GLIS3: variants seen among roughly 807,000 people sequenced by gnomAD.
GLIS3 encodes the protein zinc finger protein GLIS3.
A neutral mutation model predicts 78.6 loss-of-function variants in GLIS3; 53 were observed. That is an observed-to-expected ratio of 0.67 (90% CI 0.54 to 0.85). The LOEUF (loss-of-function observed/expected upper bound fraction) is 0.85. GLIS3 is among the 40% of genes least tolerant of loss of function. The pLI is 0.00. For missense variants in GLIS3, 1,703 were observed against 1,231.1 expected (o/e 1.38, Z -5.74); for synonymous variants, 684 against 509.9 (o/e 1.34, Z -4.60).
chr9:3,965,262 C>T (rs1280055513), intron 4 of GLIS3, among the ~76,000 whole-genome samples: 1 of 131,966 alleles, frequency 7.6e-6, no homozygotes, highest in African/African-American at 2.9e-5. Context: ...GGCGTGATCT[C>T]GGCTCACTGC....
At chr9:4,191,817 A>G (rs1224457288) in intron 2 of GLIS3, among the ~76,000 whole-genome samples, 1 of 152,192 alleles carries the variant, frequency 6.6e-6, no homozygotes, top group African/African-American at 2.4e-5. Context: ...AGGAAATTGA[A>G]GACCATATGA....
chr9:4,296,418 C>G (rs1271182671), intron 1 of GLIS3, among the ~76,000 whole-genome samples: 1 of 152,170 alleles, frequency 6.6e-6, no homozygotes, highest in Non-Finnish European at 1.5e-5. Context: ...TTTAACCTCT[C>G]CTACCCAGGC....
intron 4 of GLIS3, among the ~76,000 whole-genome samples, chr9:3,971,709 A>G (rs1396499115): frequency 4.6e-5 from 7 of 152,188 alleles, no homozygotes; most frequent in Non-Finnish European, 7.3e-5. Context: ...TCGTGCATTT[A>G]CACTTAAGCC....
chr9:4,036,207 C>A (rs763850038), intron 4 of GLIS3, among the ~76,000 whole-genome samples: 3 of 152,136 alleles, frequency 2.0e-5, no homozygotes, highest in Non-Finnish European at 2.9e-5. Flanking sequence ...GGATGCACTG[C>A]GTTTTACATT....
At chr9:4,378,899 A>C in the GLIS3 span, among the ~76,000 whole-genome samples, 4 of 152,308 alleles carry the variant, frequency 2.6e-5, no homozygotes, top group African/African-American at 9.6e-5. Flanking sequence ...TATGAGGTAC[A>C]TCTGAGCCCC....
intron 2 of GLIS3, among the ~76,000 whole-genome samples, chr9:4,127,868 T>G (rs1564090900): frequency 6.6e-6 from 1 of 152,170 alleles, no homozygotes; most frequent in Non-Finnish European, 1.5e-5. Context: ...TCTATCTACC[T>G]CTAAAACAAA....
chr9:4,357,575 G>GTGTGTC, the GLIS3 span, among the ~76,000 whole-genome samples: 2 of 151,886 alleles, frequency 1.3e-5, no homozygotes, highest in African/African-American at 4.8e-5. Flanking sequence ...GTGTGTGTGT[G>GTGTGTC]TGTGTGTGTG....
In GLIS3 at chr9:4,068,202, C is replaced by T. The variant is rs543286341; in HGVS notation, c.1710+49566G>A. Among the ~76,000 whole-genome samples, 5 of 152,082 alleles carry T rather than the reference C, an allele frequency of 3.3e-5. No individual in the cohort carries two copies. The South Asian group carries it at 6.2e-4, about 19-fold the overall frequency. On this transcript the variant is annotated intron_variant, in intron 4 of 10. Transcript: ENST00000381971. ...AAAACTTAAGGCAAATTTTAAAAACCGTTTTTATTTAAAATGCAAAATGTA... is the reference window on the plus strand; with the variant it reads ...AAAACTTAAGGCAAATTTTAAAAACTGTTTTTATTTAAAATGCAAAATGTA...
intron 2 of GLIS3, among the ~76,000 whole-genome samples, chr9:4,254,383 G>A (rs544143647): frequency 1.3e-5 from 2 of 152,266 alleles, no homozygotes; most frequent in South Asian, 4.1e-4. Flanking sequence ...TTTTTTAAAA[G>A]ACTGAATAGA....
At chr9:3,839,598 G>A (rs1419740403) in intron 9 of GLIS3, among the ~76,000 whole-genome samples, 1 of 151,932 alleles carries the variant, frequency 6.6e-6, no homozygotes, top group Non-Finnish European at 1.5e-5. Flanking sequence ...AAAAAAAGGG[G>A]GGAGAAGTTA....
At chr9:4,057,273 T>G (rs1826228316) in intron 4 of GLIS3, among the ~76,000 whole-genome samples, 1 of 152,174 alleles carries the variant, frequency 6.6e-6, no homozygotes. Context: ...CATTTTAAAA[T>G]TCTTAATCAT....
At position 3,898,803 on chromosome 9, in the gene GLIS3, C is replaced by T; in HGVS notation, c.2016G>A (p.Leu672=). Residue 672 remains leucine, a synonymous_variant, in exon 7 of 11, where the codon CTG becomes CTA. Coordinates refer to ENST00000381971, the MANE Select transcript of GLIS3 (RefSeq NM_001042413.2). Reference sequence around the variant, plus strand: ...ACTGCACGGTGAGGCAATCTGTGAGCAGGTCTGGATGGAGCTCTGTGCTGG... The same window carrying T: ...ACTGCACGGTGAGGCAATCTGTGAGTAGGTCTGGATGGAGCTCTGTGCTGG... The part of the protein sequence containing the change: ...LRSSTELHPD[L]LTDCLTVQSL... The T allele has an allele frequency of 2.5e-6, 4 of 1,614,126 alleles. No individual in the cohort carries two copies. Among genetic ancestry groups the T allele is most frequent in the Non-Finnish European group, 1.7e-6 (2 of 1,180,026 alleles).
chr9:4,457,001 C>T, the GLIS3 span, among the ~76,000 whole-genome samples: 1 of 152,128 alleles, frequency 6.6e-6, no homozygotes, highest in African/African-American at 2.4e-5. Flanking sequence ...TGAACACATG[C>T]TGTTAAAAAA....
chr9:3,833,005 A>C (rs913670794), intron 9 of GLIS3, among the ~76,000 whole-genome samples: 2 of 152,172 alleles, frequency 1.3e-5, no homozygotes, highest in African/African-American at 4.8e-5. Flanking sequence ...GTCTATATTC[A>C]AGTGTTGTGA....
chr9:3,891,002 T>C (rs191632965), intron 7 of GLIS3, among the ~76,000 whole-genome samples: 2 of 151,360 alleles, frequency 1.3e-5, no homozygotes, highest in East Asian at 3.9e-4. Flanking sequence ...AGTTTTCTTT[T>C]ATTCTACTGA....
intron 2 of GLIS3, among the ~76,000 whole-genome samples, chr9:4,184,627 G>A (rs908074323): frequency 6.6e-6 from 1 of 152,202 alleles, no homozygotes; most frequent in African/African-American, 2.4e-5. Context: ...CCCAACCCAG[G>A]TTGGTACTTC....
intron 2 of GLIS3, among the ~76,000 whole-genome samples, chr9:4,242,913 G>C (rs1348188877): frequency 2.6e-5 from 4 of 151,986 alleles, no homozygotes; most frequent in African/African-American, 9.7e-5. Context: ...AATTATGTAT[G>C]CCATTCATAT....
In GLIS3 at chr9:4,075,774, T is replaced by A. The variant is rs146444657; in HGVS notation, c.1710+41994A>T. On this transcript the variant is annotated intron_variant, in intron 4 of 10. Coordinates refer to ENST00000381971, the MANE Select transcript of GLIS3 (RefSeq NM_001042413.2). ...TAGTCGTACAATGCAACATTAATCA[T>A]CAATAAAAAGGAACTACTTAACCAT... 1.1e-4 allele frequency among the ~76,000 whole-genome samples: 16 copies of A among 151,842 alleles called. No homozygotes were observed. The East Asian group carries it at 3.1e-3, about 29-fold the overall frequency.
chr9:3,851,059 A>G (rs1819401975), intron 9 of GLIS3, among the ~76,000 whole-genome samples: 1 of 152,208 alleles, frequency 6.6e-6, no homozygotes, highest in African/African-American at 2.4e-5. Context: ...ACCAGTGAAC[A>G]CTTGCTGAAC....
Sources: gnomAD v4.1 joint callset for allele counts (sites outside exome capture counted in the v4.1 genomes callset) on GRCh38, gnomAD v4.1.1 for gene constraint, MANE v1.5 for transcripts, NCBI Gene and HGNC (gene_info 2026-07-23, HGNC 2026-07-21) for gene names.